Variants in SERGEF observed in about 807,000 individuals in gnomAD.
SERGEF encodes the protein secretion regulating guanine nucleotide exchange factor.
SERGEF carries 51 observed loss-of-function variants against 50.0 expected under a neutral mutation model. The ratio of observed to expected loss-of-function variants is 1.02; its 90% CI spans 0.81 to 1.29. The LOEUF is 1.29. Ranked by LOEUF, SERGEF falls within the 50% of genes most tolerant of loss-of-function variation. The pLI is 0.00. For missense variants in SERGEF, 521 were observed against 557.0 expected, an observed-to-expected ratio of 0.94 and a Z score of 0.65; for synonymous variants, 205 against 212.4, an observed-to-expected ratio of 0.97 and a Z score of 0.30.
In SERGEF at chr11:17,991,458, G is replaced by T. The variant is rs1231823986; in HGVS notation, c.685+1473C>A. Among the ~76,000 whole-genome samples, 1 of 152,094 alleles carries T rather than the reference G, an allele frequency of 6.6e-6. No individual in the cohort carries two copies. Among genetic ancestry groups the T allele is most frequent in the Non-Finnish European group, 1.5e-5 (1 of 68,014 alleles). On this transcript the variant is annotated intron_variant, in intron 7 of 10. Transcript: ENST00000265965. The surrounding 1 kb of genome is among the most constrained non-coding windows in gnomAD (Gnocchi z 4.9). ...GTAGTCTACTTTTATTCTCAGAAAA[G>T]AATGCCTTCTCCATCCCTCATTGAC... is the stretch of plus-strand genomic sequence containing the variant.
At chr11:17,802,599 G>A (rs1051449966) in intron 10 of SERGEF, among the ~76,000 whole-genome samples, 8 of 152,128 alleles carry the variant, frequency 5.3e-5, no homozygotes, top group Admixed American at 1.3e-4. Flanking sequence ...TGCCACTCGC[G>A]TCCTCACCTT....
chr11:17,865,296 A>G (rs1163333550), intron 10 of SERGEF, among the ~76,000 whole-genome samples: 1 of 152,240 alleles, frequency 6.6e-6, no homozygotes, highest in Non-Finnish European at 1.5e-5. Flanking sequence ...TACAGTATGT[A>G]ATAATACTTG....
intron 1 of SERGEF, among the ~76,000 whole-genome samples, chr11:18,008,624 G>T (rs540554210): frequency 6.6e-6 from 1 of 152,242 alleles, no homozygotes; most frequent in African/African-American, 2.4e-5. Context: ...GCCAGGAAAA[G>T]AGAGGCCATC....
chr11:17,858,385 T>C (rs890234027), intron 10 of SERGEF, among the ~76,000 whole-genome samples: 3 of 152,134 alleles, frequency 2.0e-5, no homozygotes, highest in Non-Finnish European at 4.4e-5. Flanking sequence ...TAAAGGATGA[T>C]GGGACTCCCC....
intron 9 of SERGEF, among the ~76,000 whole-genome samples, chr11:17,943,537 T>TC (rs1287184690): frequency 6.6e-6 from 1 of 152,170 alleles, no homozygotes; most frequent in Non-Finnish European, 1.5e-5. Flanking sequence ...CTTTTATTTT[T>TC]CTCTCCTTTC....
intron 6 of SERGEF, among the ~76,000 whole-genome samples, chr11:17,995,292 T>C (rs1353450089): frequency 6.6e-6 from 1 of 152,218 alleles, no homozygotes; most frequent in Non-Finnish European, 1.5e-5. Context: ...TGCTTCCTTT[T>C]TGGGAGAAGG....
intron 10 of SERGEF, among the ~76,000 whole-genome samples, chr11:17,842,235 G>A (rs565742138): frequency 1.3e-4 from 20 of 152,210 alleles, no homozygotes; most frequent in Non-Finnish European, 2.6e-4. Context: ...ATAATACACC[G>A]CAGCTATTCA....
At chr11:17,966,056 A>G (rs1473596786) in intron 8 of SERGEF, among the ~76,000 whole-genome samples, 1 of 152,230 alleles carries the variant, frequency 6.6e-6, no homozygotes, top group Non-Finnish European at 1.5e-5. Context: ...ACTTTGTTAA[A>G]TCTTCTCAGC....
At chr11:17,887,294 T>A (rs942475543) in intron 9 of SERGEF, among the ~76,000 whole-genome samples, 9 of 152,202 alleles carry the variant, frequency 5.9e-5, no homozygotes, top group African/African-American at 2.2e-4. Context: ...GTCTTCACAA[T>A]AATAATCTGC....
chr11:17,934,256 G>C lies in SERGEF; in HGVS notation c.1011+25214C>G, dbSNP rs543579292. ...TTAATAAAATGTAATATAATACATG[G>C]TAAATATGCACTCAGCAAAACAAGA... On this transcript the variant is annotated intron_variant, in intron 9 of 10. Transcript: ENST00000265965. Among the ~76,000 whole-genome samples the C allele has an allele frequency of 2.6e-5, 4 of 152,226 alleles. No homozygotes were observed. In the South Asian group the frequency reaches 8.3e-4, roughly 32 times the overall value.
chr11:17,913,367 C>T (rs536114548), intron 9 of SERGEF, among the ~76,000 whole-genome samples: 6 of 152,280 alleles, frequency 3.9e-5, no homozygotes, highest in South Asian at 2.1e-4. Context: ...AGAAATACAC[C>T]CTTGGGCCCC....
At chr11:17,956,523 T>C (rs564240356) in intron 9 of SERGEF, among the ~76,000 whole-genome samples, 96 of 152,340 alleles carry the variant, frequency 6.3e-4, no homozygotes, top group African/African-American at 2.2e-3. Context: ...ATTTAGCATA[T>C]TGGCCTATAA....
At chr11:17,887,677 C>T (rs936153658) in intron 9 of SERGEF, among the ~76,000 whole-genome samples, 3 of 152,206 alleles carry the variant, frequency 2.0e-5, no homozygotes, top group South Asian at 2.1e-4. Context: ...AAGCTAAACA[C>T]ATATGTGGAC....
intron 9 of SERGEF, among the ~76,000 whole-genome samples, chr11:17,954,942 C>T (rs1405041841): frequency 6.6e-6 from 1 of 152,196 alleles, no homozygotes; most frequent in Non-Finnish European, 1.5e-5. Flanking sequence ...TGGCCTATTT[C>T]ACAGCATCAT....
At chr11:17,828,877 G>C (rs1361958995) in intron 10 of SERGEF, among the ~76,000 whole-genome samples, 1 of 152,000 alleles carries the variant, frequency 6.6e-6, no homozygotes, top group Non-Finnish European at 1.5e-5. Flanking sequence ...AAAATACTGA[G>C]GGTTCTTACC....
At chr11:17,835,071 G>C (rs1325265703) in intron 10 of SERGEF, among the ~76,000 whole-genome samples, 1 of 152,202 alleles carries the variant, frequency 6.6e-6, no homozygotes, top group Non-Finnish European at 1.5e-5. Flanking sequence ...GCAGAGAAGA[G>C]CACACATTGG....
At chr11:17,918,535 A>G (rs1460017143) in intron 9 of SERGEF, among the ~76,000 whole-genome samples, 1 of 152,064 alleles carries the variant, frequency 6.6e-6, no homozygotes, top group African/African-American at 2.4e-5. Flanking sequence ...ACTGCCTCCT[A>G]TGGAAAAGGT....
At chr11:17,814,629 G>A (rs753490972) in intron 10 of SERGEF, among the ~76,000 whole-genome samples, 1 of 152,158 alleles carries the variant, frequency 6.6e-6, no homozygotes, top group Non-Finnish European at 1.5e-5. Context: ...TTGGAGGTAG[G>A]TTTTGCTATT....
intron 9 of SERGEF, among the ~76,000 whole-genome samples, chr11:17,944,931 A>G (rs1852629406): frequency 6.6e-6 from 1 of 152,258 alleles, no homozygotes; most frequent in Non-Finnish European, 1.5e-5. Flanking sequence ...CCTGCCTAAC[A>G]TTAAAAGAAT....
Sources: gnomAD v4.1 joint callset for allele counts (sites outside exome capture counted in the v4.1 genomes callset) on GRCh38, gnomAD v4.1.1 for gene constraint, Gnocchi (gnomAD v3.1) non-coding constraint, MANE v1.5 for transcripts, NCBI Gene and HGNC (gene_info 2026-07-23, HGNC 2026-07-21) for gene names.